SLC6A19: variants seen among roughly 807,000 people sequenced by gnomAD.
The protein encoded by SLC6A19 is sodium-dependent neutral amino acid transporter B(0)AT1.
A neutral mutation model predicts 68.3 loss-of-function variants in SLC6A19; 67 were observed. The observed-to-expected ratio is 0.98, with a 90% CI of 0.81 to 1.20. The LOEUF (loss-of-function observed/expected upper bound fraction) is 1.20. SLC6A19 is among the 50% of genes most tolerant of loss of function. The pLI is 0.00. For synonymous variants in SLC6A19, 392 were observed against 374.9 expected, an observed-to-expected ratio of 1.05 and a Z score of -0.53; for missense variants, 813 against 851.6, an observed-to-expected ratio of 0.95 and a Z score of 0.56.
intron 1 of SLC6A19, among the ~76,000 whole-genome samples, chr5:1,207,934 A>T (rs560937703): frequency 2.0e-5 from 3 of 152,364 alleles, no homozygotes; most frequent in East Asian, 1.9e-4. Flanking sequence ...TAGAGCAAAG[A>T]GGTAGCAGTG....
In SLC6A19 at chr5:1,222,669, ACACG is replaced by A. The variant is rs1746426863; in HGVS notation, c.*768_*771del. The A allele has an allele frequency of 5.0e-6, 1 of 198,106 alleles. No individual in the cohort carries two copies. Among genetic ancestry groups the A allele is most frequent in the African/African-American group, 2.4e-5 (1 of 42,054 alleles). 12.3% of individuals were successfully genotyped at this position (198,106 alleles called of 1,614,324 possible). On this transcript the variant is annotated 3_prime_UTR_variant, in exon 12 of 12. Coordinates refer to ENST00000304460, the MANE Select transcript of SLC6A19 (RefSeq NM_001003841.3). ...AGTGTGTATGTATGTGCGCATATGG[ACACG>A]CATGGACACGCATATGGACACATAT...
intron 1 of SLC6A19, among the ~76,000 whole-genome samples, chr5:1,206,190 A>C (rs11133679): frequency 0.6 from 91,134 of 152,076 alleles, 27,851 homozygotes; most frequent in African/African-American, 0.69. Context: ...GCAGGGGCCA[A>C]GTGAGGAAGT....
At chr5:1,206,584 G>A (rs1388295933) in intron 1 of SLC6A19, among the ~76,000 whole-genome samples, 1 of 152,162 alleles carries the variant, frequency 6.6e-6, no homozygotes, top group African/African-American at 2.4e-5. Flanking sequence ...TAAGAGATTT[G>A]GTGGGAGAAG....
rs559772404 is a variant in SLC6A19 at position 1,202,892 on chromosome 5, C to A, written c.202+1040C>A. ...TTGATCACTGCCTTGCGGGGGTGGG[C>A]GCTTCATGAGCCTCTGGTCCAGCCT... is the stretch of plus-strand genomic sequence containing the variant. On this transcript the variant is annotated intron_variant, in intron 1 of 11. Coordinates refer to ENST00000304460, the MANE Select transcript of SLC6A19 (RefSeq NM_001003841.3). Among the ~76,000 whole-genome samples the A allele has an allele frequency of 3.3e-5, 5 of 152,270 alleles. No individual in the cohort carries two copies. In the South Asian group the frequency reaches 1.0e-3, roughly 32 times the overall value.
chr5:1,208,210 G>A (rs1172636680), intron 1 of SLC6A19, among the ~76,000 whole-genome samples: 3 of 152,102 alleles, frequency 2.0e-5, no homozygotes, highest in Non-Finnish European at 4.4e-5. Flanking sequence ...TCCCCACTGA[G>A]GCCACACACG....
chr5:1,221,488 C>G (rs573973942), intron 11 of SLC6A19, among the ~76,000 whole-genome samples, 175 bp downstream of exon 11: 83 of 152,246 alleles, frequency 5.5e-4, no homozygotes, highest in African/African-American at 1.9e-3. Context: ...CTGGTTCCCC[C>G]CTCCCTGACA....
chr5:1,221,994 T>G lies in SLC6A19; in HGVS notation c.*90T>G. 7.1e-7 allele frequency: 1 copy of G among 1,407,756 alleles called. No homozygotes were observed. The allele number at this position is 1,407,756 out of a possible 1,614,324, so 87.2% of individuals were successfully genotyped here. ...GGGTGGGGGCCGGGCTGCACCTGCA[T>G]GTGTGTAAGCGTGAGTGTATGCTCG... On this transcript the variant is annotated 3_prime_UTR_variant, in exon 12 of 12. Coordinates refer to ENST00000304460, the MANE Select transcript of SLC6A19 (RefSeq NM_001003841.3).
Position 1,208,843 on chromosome 5 carries a change from C to G in SLC6A19, c.300C>G (p.Ser100Arg). ...TCGGGCAGCGGCTGCGGCGGGGCAGCCTGGGTGTGTGGAGCTCCATCCACC... is the reference window on the plus strand; with the variant it reads ...TCGGGCAGCGGCTGCGGCGGGGCAGGCTGGGTGTGTGGAGCTCCATCCACC... The part of the protein sequence containing the change: ...FAIGQRLRRG[S>R]LGVWSSIHPA... The change falls in exon 2 of 12, where the codon AGC (serine) becomes AGG (arginine). Residue 100 changes from serine to arginine, a missense_variant. Transcript: ENST00000304460. The G allele has an allele frequency of 1.9e-6, 3 of 1,612,964 alleles. No individual in the cohort carries two copies. Among genetic ancestry groups the G allele is most frequent in the Non-Finnish European group, 2.5e-6 (3 of 1,179,960 alleles).
chr5:1,207,382 C>T (rs1272337647), intron 1 of SLC6A19, among the ~76,000 whole-genome samples: 4 of 147,008 alleles, frequency 2.7e-5, no homozygotes, highest in Non-Finnish European at 4.5e-5. Context: ...CAGGGCAGCC[C>T]GCTTGGCCGG....
At chr5:1,205,891 A>G (rs1429827148) in intron 1 of SLC6A19, among the ~76,000 whole-genome samples, 1 of 152,190 alleles carries the variant, frequency 6.6e-6, no homozygotes, top group African/African-American at 2.4e-5. Flanking sequence ...GCTGGTGAGC[A>G]TCTCCTGCAC....
chr5:1,210,023 C>T (rs1350656521), intron 2 of SLC6A19, among the ~76,000 whole-genome samples: 1 of 152,244 alleles, frequency 6.6e-6, no homozygotes, highest in Admixed American at 6.5e-5. Context: ...CGGGGGCTTC[C>T]CGGTTTGGGT....
At chr5:1,217,051 C>T (rs1015223480) in intron 8 of SLC6A19, 106 bp downstream of exon 8, 28 of 1,563,848 alleles carry the variant, frequency 1.8e-5, no homozygotes, top group Non-Finnish European at 2.3e-5. Flanking sequence ...AGATGCTGAG[C>T]TTCAGCCGGG....
Position 1,219,653 on chromosome 5 carries a change from C to G in SLC6A19, c.1527C>G (p.Tyr509Ter). Reference sequence around the variant, plus strand: ...AGATGTTCTCTGTGGTCTACGTGTACGGTGTGGACAGGTAGGGGCCACGGT... The same window carrying G: ...AGATGTTCTCTGTGGTCTACGTGTAGGGTGTGGACAGGTAGGGGCCACGGT... ...FCEMFSVVYV[Y>*]GVDRFNKDIE... is the part of the protein sequence containing the mutation. The change falls in exon 10 of 12, where the codon TAC (tyrosine) becomes TAG (stop). Residue 509 changes from tyrosine to a stop codon, truncating the protein, a stop_gained. Coordinates refer to ENST00000304460, the MANE Select transcript of SLC6A19 (RefSeq NM_001003841.3). LOFTEE classifies it high-confidence loss of function. 1 of 1,605,600 alleles carries G rather than the reference C, an allele frequency of 6.2e-7. No homozygotes were observed. Among genetic ancestry groups the G allele is most frequent in the Non-Finnish European group, 8.5e-7 (1 of 1,179,990 alleles).
chr5:1,206,952 C>T lies in SLC6A19; in HGVS notation c.203-1794C>T, dbSNP rs551581062. On this transcript the variant is annotated intron_variant, in intron 1 of 11. Coordinates refer to ENST00000304460, the MANE Select transcript of SLC6A19 (RefSeq NM_001003841.3). ...CTTGCGCCGTTGCAGCTGCTGACCT[C>T]GGTCCCAAAGGCTGTCGGCTTCGCT... 3.4e-4 allele frequency among the ~76,000 whole-genome samples: 52 copies of T among 152,320 alleles called. 1 individual carries two copies. The South Asian group carries it at 0.011, about 31-fold the overall frequency.
chr5:1,214,033 C>T lies in SLC6A19; in HGVS notation c.855C>T (p.Gly285=). 4 of 1,613,878 alleles carry T rather than the reference C, an allele frequency of 2.5e-6. No individual in the cohort carries two copies. Among genetic ancestry groups the T allele is most frequent in the Non-Finnish European group, 3.4e-6 (4 of 1,180,020 alleles). ...TCTCCTTCTCCCTGGCCTTCGGGGG[C>T]CTCATCTCCTTCTCCAGCTACAACT... ...VFFSFSLAFG[G]LISFSSYNSV... Residue 285 remains glycine, a synonymous_variant, in exon 6 of 12, where the codon GGC becomes GGT. Coordinates refer to ENST00000304460, the MANE Select transcript of SLC6A19 (RefSeq NM_001003841.3). This position sits in a 1 kb window ranked among gnomAD's most constrained non-coding sequence, Gnocchi z 7.4.
At position 1,219,385 on chromosome 5, in the gene SLC6A19, G is replaced by A. The variant is rs532729328; in HGVS notation, c.1379-120G>A. The A allele has an allele frequency of 1.8e-5, 26 of 1,418,926 alleles. 1 individual carries two copies. In the South Asian group the frequency reaches 2.3e-4, roughly 13 times the overall value. 87.9% of individuals were successfully genotyped at this position (1,418,926 alleles called of 1,614,324 possible). A position where few individuals can be genotyped will look rare whatever the true frequency, so the allele number is the denominator to read the frequency against. ...GTCCCCGGCAGTGTGTGCAGCCCCCGGGTGTGTGAACAGCTCTGTCCCTGG... is the reference window on the plus strand; with the variant it reads ...GTCCCCGGCAGTGTGTGCAGCCCCCAGGTGTGTGAACAGCTCTGTCCCTGG... On this transcript the variant is annotated intron_variant, in intron 9 of 11. Transcript: ENST00000304460.
intron 5 of SLC6A19, 90 bp from the exon 6 acceptor site, chr5:1,213,863 G>A (rs1292944939): frequency 4.4e-6 from 7 of 1,588,362 alleles, no homozygotes; most frequent in East Asian, 2.2e-5. Flanking sequence ...CAATAGCCTC[G>A]ACCCTCCCCG....
chr5:1,220,962 G>C (rs1337859886), intron 10 of SLC6A19, among the ~76,000 whole-genome samples, 189 bp from the exon 11 acceptor site: 1 of 152,188 alleles, frequency 6.6e-6, no homozygotes, highest in Non-Finnish European at 1.5e-5. Context: ...AGAGGCAGCT[G>C]CTGGCCGTGC....
At chr5:1,203,380 AC>A (rs1365230177) in intron 1 of SLC6A19, among the ~76,000 whole-genome samples, 1 of 152,144 alleles carries the variant, frequency 6.6e-6, no homozygotes, top group Admixed American at 6.5e-5. Context: ...CTGGCGCTGC[AC>A]CCTGGGCCAT....
Sources: gnomAD v4.1 joint callset for allele counts (sites outside exome capture counted in the v4.1 genomes callset) on GRCh38, gnomAD v4.1.1 for gene constraint, Gnocchi (gnomAD v3.1) non-coding constraint, MANE v1.5 for transcripts, NCBI Gene and HGNC (gene_info 2026-07-23, HGNC 2026-07-21) for gene names.